BUB1: variants seen among roughly 807,000 people sequenced by gnomAD.
The protein encoded by BUB1 is mitotic checkpoint serine/threonine-protein kinase BUB1.
In BUB1, 84 loss-of-function variants were observed where a neutral mutation model predicts 135.2. The ratio of observed to expected loss-of-function variants is 0.62; its 90% CI spans 0.52 to 0.74. The LOEUF (loss-of-function observed/expected upper bound fraction) is 0.74. Among genes scored for constraint, BUB1 ranks in the 30% least tolerant of loss-of-function variants. The probability of loss-of-function intolerance (pLI) is 0.00; values close to 1 mark genes in which losing one functional copy is unlikely to be tolerated. For missense variants in BUB1, 1,162 were observed against 1,288.3 expected (o/e 0.90, Z 1.50); for synonymous variants, 403 against 434.4 (o/e 0.93, Z 0.90).
At chr2:110,673,304 G>A (rs893341486) in intron 3 of BUB1, among the ~76,000 whole-genome samples, 5 of 152,102 alleles carry the variant, frequency 3.3e-5, no homozygotes, top group Non-Finnish European at 7.3e-5. Context: ...AACATTAACC[G>A]TAGGTGTTTC....
intron 23 of BUB1, among the ~76,000 whole-genome samples, chr2:110,640,354 T>C (rs1354763102): frequency 6.9e-6 from 1 of 145,180 alleles, no homozygotes; most frequent in Non-Finnish European, 1.5e-5. Flanking sequence ...CCCCACCAAA[T>C]CTTTGCCCCT....
chr2:110,667,448 A>G, intron 8 of BUB1, 73 bp downstream of exon 8: 9 of 1,406,828 alleles, frequency 6.4e-6, no homozygotes, highest in Middle Eastern at 1.8e-4. Context: ...TATTCTTTAA[A>G]AAAGTAATTA....
At chr2:110,650,444 A>G (rs1689753491) in intron 18 of BUB1, 102 bp downstream of exon 18, 1 of 1,038,894 alleles carries the variant, frequency 9.6e-7, no homozygotes, top group South Asian at 1.4e-5. Flanking sequence ...CATCTGTTCT[A>G]CTCAGTGACA....
intron 3 of BUB1, among the ~76,000 whole-genome samples, chr2:110,673,867 G>A (rs1690498640): frequency 6.6e-6 from 1 of 152,160 alleles, no homozygotes; most frequent in African/African-American, 2.4e-5. Flanking sequence ...CCAAAGTGCT[G>A]GGATTACAGG....
intron 13 of BUB1, 55 bp from the exon 14 acceptor site, chr2:110,657,700 T>C (rs548005879): frequency 4.8e-6 from 6 of 1,250,372 alleles, no homozygotes; most frequent in Non-Finnish European, 6.6e-6. Context: ...AAACATCCTT[T>C]ATATTAAACT....
At position 110,637,890 on chromosome 2, in the gene BUB1, G is replaced by GAA; in HGVS notation, c.*72_*73dup. The GAA allele has an allele frequency of 5.0e-6, 5 of 997,700 alleles. No homozygotes were observed. The highest frequency in any genetic ancestry group is 2.9e-5 in the East Asian group (1 of 34,320). The allele number at this position is 997,700 out of a possible 1,614,324, so 61.8% of individuals were successfully genotyped here. On this transcript the variant is annotated 3_prime_UTR_variant, in exon 25 of 25. Transcript: ENST00000302759. ...ACAAACATTTACATAAACAATAAAT[G>GAA]AAAAAAAAACAGGTTTAAAGTGAGC...
At position 110,649,391 on chromosome 2, in the gene BUB1, GAAAAAAA is replaced by G; in HGVS notation, c.2204-21_2204-15del. On this transcript the variant is annotated splice_polypyrimidine_tract_variant and intron_variant, in intron 18 of 24. Transcript: ENST00000302759. ...CAACAATGAAGTCTTAAAGGAATGA[GAAAAAAA>G]AAAAAAAAGGGAACATGAATTGAGT... 8.9e-7 allele frequency: 1 copy of G among 1,127,648 alleles called. No individual in the cohort carries two copies. The highest frequency in any genetic ancestry group is 1.1e-6 in the Non-Finnish European group (1 of 880,528). The allele number at this position is 1,127,648 out of a possible 1,614,324, so 69.9% of individuals were successfully genotyped here. A position where few individuals can be genotyped will look rare whatever the true frequency, so the allele number is the denominator to read the frequency against.
rs577866626 is a variant in BUB1, at chr2:110,668,865, CTAGAGGTAGCGAGGT to C, written c.567+573_567+587del. On this transcript the variant is annotated intron_variant, in intron 6 of 24. Coordinates refer to ENST00000302759, the MANE Select transcript of BUB1 (RefSeq NM_004336.5). The stretch of plus-strand genomic sequence containing the variant: ...ATTTTTGAAGTTCCTGAGAGAGAGG[CTAGAGGTAGCGAGGT>C]CCCAAGTTTGAAGAGACTGAAAAGA... Among the ~76,000 whole-genome samples the C allele has an allele frequency of 7.8e-3, 1,186 of 152,254 alleles. 13 individuals carry two copies. The highest frequency in any genetic ancestry group is 0.034 in the Middle Eastern group (10 of 294).
chr2:110,655,986 A>C, intron 15 of BUB1, 70 bp from the exon 16 acceptor site: 3 of 1,407,484 alleles, frequency 2.1e-6, no homozygotes, highest in South Asian at 1.2e-5. Flanking sequence ...TTATTCAATA[A>C]CACTTTAAGA....
chr2:110,657,227 T>C, intron 14 of BUB1, 110 bp from the exon 15 acceptor site: 1 of 831,790 alleles, frequency 1.2e-6, no homozygotes, highest in African/African-American at 1.7e-5. Context: ...GAGTTAATCT[T>C]TATATAGATA....
intron 11 of BUB1, 49 bp from the exon 12 acceptor site, chr2:110,658,791 T>A (rs758079497): frequency 6.2e-7 from 1 of 1,605,716 alleles, no homozygotes; most frequent in Non-Finnish European, 8.5e-7. Flanking sequence ...GAAATCAGAA[T>A]AACTTAAAAG....
intron 5 of BUB1, among the ~76,000 whole-genome samples, chr2:110,670,190 A>G (rs543453014): frequency 7.8e-5 from 11 of 140,690 alleles, no homozygotes; most frequent in Non-Finnish European, 1.5e-4. Context: ...CCGGGCTGGA[A>G]TGAAGTGGCA....
At chr2:110,662,020 ACT>A in intron 9 of BUB1, 179 bp from the exon 10 acceptor site, 1 of 681,594 alleles carries the variant, frequency 1.5e-6, no homozygotes, top group Non-Finnish European at 2.4e-6. Flanking sequence ...CAAAAAGACC[ACT>A]CTACAAAATG....
Position 110,653,446 on chromosome 2 carries a change from C to T in BUB1, c.1954G>A (p.Gly652Arg). 4 of 1,613,636 alleles carry T rather than the reference C, an allele frequency of 2.5e-6. No homozygotes were observed. The highest frequency in any genetic ancestry group is 2.5e-6 in the Non-Finnish European group (3 of 1,179,740). The change falls in exon 17 of 25, where the codon GGA becomes AGA. Residue 652 changes from glycine (G) to arginine (R), a missense_variant. By Grantham distance (125) the Gly-to-Arg change is moderately radical (BLOSUM62 -2). Coordinates refer to ENST00000302759, the MANE Select transcript of BUB1 (RefSeq NM_004336.5). The stretch of plus-strand genomic sequence containing the variant: ...AAACCCTCACAATACCTGAATTTTC[C>T]ATCCCTTGAAGGCACCACCATGTTT... ...EENMVVPSRD[G>R]KFSPIQEKSP...
chr2:110,639,751 A>C lies in BUB1; in HGVS notation c.3053T>G (p.Leu1018Arg), dbSNP rs773918857. 3.1e-6 allele frequency: 5 copies of C among 1,611,186 alleles called. No homozygotes were observed. In the South Asian group the frequency reaches 5.5e-5, roughly 18 times the overall value. Residue 1018 changes from leucine (L) to arginine (R), a missense_variant, in exon 24 of 25, where the codon CTT becomes CGT. Transcript: ENST00000302759. Reference sequence around the variant, plus strand: ...CAATGCTAATACTCACCTTCTAAAAAGACCTTCAGGCTTACACTCTCCTCC... The same window carrying C: ...CAATGCTAATACTCACCTTCTAAAACGACCTTCAGGCTTACACTCTCCTCC... ...NEGGECKPEG[L>R]FRRLPHLDMW...
intron 19 of BUB1, among the ~76,000 whole-genome samples, chr2:110,646,980 C>T (rs73954650): frequency 9.8e-4 from 149 of 152,008 alleles, no homozygotes; most frequent in African/African-American, 3.4e-3. Flanking sequence ...TACCAAAGCC[C>T]ACAAAAGAGA....
intron 23 of BUB1, 153 bp from the exon 24 acceptor site, chr2:110,640,001 T>G (rs1470394595): frequency 1.4e-6 from 1 of 714,646 alleles, no homozygotes; most frequent in East Asian, 2.7e-5. Flanking sequence ...CCCACTAACA[T>G]GTCTTACTGA....
chr2:110,677,600 A>G (rs1162323495), intron 1 of BUB1, among the ~76,000 whole-genome samples: 1 of 152,230 alleles, frequency 6.6e-6, no homozygotes, highest in Non-Finnish European at 1.5e-5. Flanking sequence ...TCGAATTGTT[A>G]AATACGTGAC....
At chr2:110,673,694 G>A (rs1268575919) in intron 3 of BUB1, among the ~76,000 whole-genome samples, 2 of 152,050 alleles carry the variant, frequency 1.3e-5, no homozygotes, top group East Asian at 3.9e-4. Flanking sequence ...CACCTCCCAG[G>A]CTCGAGCAAT....
Sources: gnomAD v4.1 joint callset for allele counts (sites outside exome capture counted in the v4.1 genomes callset) on GRCh38, gnomAD v4.1.1 for gene constraint, MANE v1.5 for transcripts, NCBI Gene and HGNC (gene_info 2026-07-23, HGNC 2026-07-21) for gene names.